The following DDB2 variants were observed in gnomAD, a reference collection of about 807,000 sequenced individuals.
DDB2 encodes damage specific DNA binding protein 2.
Under a neutral mutation model 50.5 loss-of-function variants are expected in DDB2, and 27 were observed. That is an observed-to-expected ratio of 0.53 (90% CI 0.39 to 0.74). The LOEUF (loss-of-function observed/expected upper bound fraction) is 0.74, where lower values mean the gene tolerates loss of function less well. Among genes scored for constraint, DDB2 ranks in the 30% least tolerant of loss-of-function variants. DDB2 has a pLI of 0.00. For synonymous variants in DDB2, 176 were observed against 205.5 expected (o/e 0.86, Z 1.23); for missense variants, 424 against 545.6 (o/e 0.78, Z 2.22).
At chr11:47,215,323 T>C in intron 1 of DDB2, 60 bp downstream of exon 1, 1 of 1,610,778 alleles carries the variant, frequency 6.2e-7, no homozygotes, top group Non-Finnish European at 8.5e-7. Context: ...CGCAGGAGGC[T>C]GCAGCGGGGG....
At chr11:47,219,619 G>A (rs1953453222) in intron 3 of DDB2, among the ~76,000 whole-genome samples, 3 of 152,212 alleles carry the variant, frequency 2.0e-5, no homozygotes, top group South Asian at 4.2e-4. Context: ...CAAATTGCTC[G>A]GGATTACAGG....
intron 3 of DDB2, among the ~76,000 whole-genome samples, chr11:47,225,517 G>A (rs944151834): frequency 2.6e-5 from 4 of 151,686 alleles, no homozygotes; most frequent in Non-Finnish European, 4.4e-5. Flanking sequence ...ACTTGAACCC[G>A]GGAGGCAGAA....
At chr11:47,230,601 C>G (rs1590997925) in intron 3 of DDB2, among the ~76,000 whole-genome samples, 1 of 152,282 alleles carries the variant, frequency 6.6e-6, no homozygotes, top group South Asian at 2.1e-4. Context: ...ATACTACCAG[C>G]AAGCATTTGG....
intron 3 of DDB2, among the ~76,000 whole-genome samples, chr11:47,226,251 C>G (rs1290653378): frequency 1.3e-5 from 2 of 151,268 alleles, no homozygotes; most frequent in Non-Finnish European, 2.9e-5. Flanking sequence ...GTCCCAACTT[C>G]TCTACTTCCC....
In DDB2 at chr11:47,234,689, C is replaced by G. The variant is rs754458845; in HGVS notation, c.702+17C>G. The G allele has an allele frequency of 1.7e-5, 28 of 1,613,772 alleles. No individual in the cohort carries two copies. The highest frequency in any genetic ancestry group is 2.4e-5 in the Non-Finnish European group (28 of 1,179,820). On this transcript the variant is annotated intron_variant, in intron 5 of 9. Coordinates refer to ENST00000256996, the MANE Select transcript of DDB2 (RefSeq NM_000107.3). The stretch of plus-strand genomic sequence containing the variant: ...GGCAAAGAGGTGCGTTCTCCGAGGT[C>G]CTGCCTTTCCCTCCCTCACCCCCAC...
chr11:47,234,977 T>C, intron 6 of DDB2, 43 bp downstream of exon 6: 1 of 1,604,868 alleles, frequency 6.2e-7, no homozygotes, highest in Non-Finnish European at 8.5e-7. Context: ...ACCCTGCCTG[T>C]CTGACCACTG....
chr11:47,234,082 CCAG>C (rs1315334608), intron 4 of DDB2, among the ~76,000 whole-genome samples: 6 of 152,124 alleles, frequency 3.9e-5, no homozygotes, highest in Non-Finnish European at 8.8e-5. Flanking sequence ...GTTTGAGGGA[CCAG>C]AAGAGCTCCT....
rs756970973 is a variant in DDB2, at chr11:47,233,001, G to C, written c.602+42G>C. 1.9e-6 allele frequency: 3 copies of C among 1,610,790 alleles called. No homozygotes were observed. In the South Asian group the frequency reaches 3.3e-5, roughly 18 times the overall value. ...GCAGGGGAAAGGGCTTCTAAGCTTA[G>C]GTGTAGTTCCGGCAAGAGCATCCAG... On this transcript the variant is annotated intron_variant, in intron 4 of 9. Coordinates refer to ENST00000256996, the MANE Select transcript of DDB2 (RefSeq NM_000107.3).
chr11:47,239,199 A>G lies in DDB2; in HGVS notation c.*350A>G, dbSNP rs1451710388. On this transcript the variant is annotated 3_prime_UTR_variant, in exon 10 of 10. Transcript: ENST00000256996. Reference sequence around the variant, plus strand: ...TTTGTGCTCACTTTTGATATGGCCAATAAAACCATACCGACTGAGCTTCTG... The same window carrying G: ...TTTGTGCTCACTTTTGATATGGCCAGTAAAACCATACCGACTGAGCTTCTG... The G allele has an allele frequency of 7.9e-6, 3 of 377,650 alleles. No homozygotes were observed. Among genetic ancestry groups the G allele is most frequent in the East Asian group, 8.8e-5 (2 of 22,828 alleles). The allele number at this position is 377,650 out of a possible 1,614,324, so 23.4% of individuals were successfully genotyped here. A position where few individuals can be genotyped will look rare whatever the true frequency, so the allele number is the denominator to read the frequency against.
At chr11:47,223,704 C>T (rs990757948) in intron 3 of DDB2, among the ~76,000 whole-genome samples, 2 of 152,130 alleles carry the variant, frequency 1.3e-5, no homozygotes, top group Non-Finnish European at 2.9e-5. Flanking sequence ...ATGGTGTGAA[C>T]CCAGGAGGCA....
upstream of DDB2, chr11:47,214,907 TC>T (rs772492193): frequency 1.7e-6 from 1 of 590,922 alleles, no homozygotes; most frequent in Non-Finnish European, 2.9e-6. Context: ...CACCACCCCC[TC>T]CCCGCGCCCC....
chr11:47,225,521 G>A (rs1338802842), intron 3 of DDB2, among the ~76,000 whole-genome samples: 1 of 151,686 alleles, frequency 6.6e-6, no homozygotes, highest in Non-Finnish European at 1.5e-5. Context: ...GAACCCGGGA[G>A]GCAGAAGTTG....
Position 47,237,862 on chromosome 11 carries a change from T to C in DDB2, c.1049T>C (p.Leu350Pro), listed in dbSNP as rs1281033732. Residue 350 changes from leucine (L) to proline (P), a missense_variant, in exon 8 of 10, where the codon CTC becomes CCC. Coordinates refer to ENST00000256996, the MANE Select transcript of DDB2 (RefSeq NM_000107.3). ...GCAGCCTGGCATCCTCGCTACAACC[T>C]CATTGTTGTGGGCCGATACCCAGAT... Reference protein sequence around the residue: ...IKAAWHPRYNLIVVGRYPDPN... With the variant: ...IKAAWHPRYNPIVVGRYPDPN... The C allele has an allele frequency of 4.3e-6, 7 of 1,614,130 alleles. No individual in the cohort carries two copies. Among genetic ancestry groups the C allele is most frequent in the Non-Finnish European group, 5.1e-6 (6 of 1,180,002 alleles).
chr11:47,215,644 C>T, intron 1 of DDB2: 1 of 334,666 alleles, frequency 3.0e-6, no homozygotes. Context: ...CCAATTCCTT[C>T]CTCCTTAGAA....
At chr11:47,214,779 A>C, upstream of DDB2, 1 of 351,428 alleles carries the variant, frequency 2.8e-6, no homozygotes, top group South Asian at 2.7e-5. Flanking sequence ...GCTAAAAAAA[A>C]AAAAAAAATC....
intron 3 of DDB2, 26 bp from the exon 4 acceptor site, chr11:47,232,788 A>G (rs1554974753): frequency 6.2e-7 from 1 of 1,612,692 alleles, no homozygotes; most frequent in Non-Finnish European, 8.5e-7. Context: ...ATCATCACTC[A>G]CTGGCTTTTT....
chr11:47,233,658 G>A (rs970621329), intron 4 of DDB2, among the ~76,000 whole-genome samples: 1 of 151,090 alleles, frequency 6.6e-6, no homozygotes. Context: ...GCAGTGAGCC[G>A]AGATGGCGCC....
At chr11:47,236,321 G>C (rs905185260) in intron 7 of DDB2, among the ~76,000 whole-genome samples, 1 of 152,134 alleles carries the variant, frequency 6.6e-6, no homozygotes. Flanking sequence ...TCAGGCTCTT[G>C]TTAATAGCTT....
intron 9 of DDB2, among the ~76,000 whole-genome samples, chr11:47,238,445 C>T (rs978299730): frequency 2.0e-5 from 3 of 151,998 alleles, no homozygotes; most frequent in African/African-American, 7.2e-5. Context: ...TCCCCCCGGG[C>T]TGGAGTGCAG....
Sources: gnomAD v4.1 joint callset for allele counts (sites outside exome capture counted in the v4.1 genomes callset) on GRCh38, gnomAD v4.1.1 for gene constraint, MANE v1.5 for transcripts, NCBI Gene and HGNC (gene_info 2026-07-23, HGNC 2026-07-21) for gene names.